WWOX: variants seen among roughly 807,000 people sequenced by gnomAD.
WWOX encodes the protein WW domain containing oxidoreductase.
WWOX carries 69 observed loss-of-function variants against 46.2 expected under a neutral mutation model. That is an observed-to-expected ratio of 1.49 (90% CI 1.23 to 1.82). The LOEUF is 1.82. WWOX is among the 40% of genes most tolerant of loss of function. The pLI is 0.00. For missense variants in WWOX, 919 were observed against 542.6 expected, an observed-to-expected ratio of 1.69 and a Z score of -6.89; for synonymous variants, 359 against 202.6, an observed-to-expected ratio of 1.77 and a Z score of -6.56.
At chr16:79,007,584 A>G (rs960268015) in intron 8 of WWOX, among the ~76,000 whole-genome samples, 4 of 152,266 alleles carry the variant, frequency 2.6e-5, no homozygotes, top group Non-Finnish European at 5.9e-5. Flanking sequence ...ATGCTACTTT[A>G]TATGGCAAAA....
intron 8 of WWOX, among the ~76,000 whole-genome samples, chr16:78,872,203 C>A (rs2044143863): frequency 1.3e-5 from 2 of 152,200 alleles, no homozygotes; most frequent in Non-Finnish European, 2.9e-5. Flanking sequence ...ACCAGGCTGC[C>A]TGGATTCAAA....
intron 8 of WWOX, among the ~76,000 whole-genome samples, chr16:78,515,189 A>G (rs1186310360): frequency 6.6e-6 from 1 of 152,190 alleles, no homozygotes; most frequent in Non-Finnish European, 1.5e-5. Flanking sequence ...GTGTCACTGC[A>G]CTCCAGCCTA....
intron 8 of WWOX, among the ~76,000 whole-genome samples, chr16:78,542,874 G>A (rs750273062): frequency 6.6e-6 from 1 of 152,176 alleles, no homozygotes; most frequent in Non-Finnish European, 1.5e-5. Flanking sequence ...GGGCCTGGGG[G>A]TTGTCACAAT....
intron 5 of WWOX, among the ~76,000 whole-genome samples, chr16:78,304,304 T>C (rs902538147): frequency 1.3e-5 from 2 of 152,250 alleles, no homozygotes; most frequent in African/African-American, 4.8e-5. Flanking sequence ...TACTTTTTTG[T>C]AAAATTTTAA....
At chr16:78,577,857 T>C (rs1163286043) in intron 8 of WWOX, among the ~76,000 whole-genome samples, 1 of 152,152 alleles carries the variant, frequency 6.6e-6, no homozygotes, top group East Asian at 1.9e-4. Flanking sequence ...CTTGTGCCGT[T>C]GGTAATTCAG....
At chr16:78,880,112 A>T (rs2044313259) in intron 8 of WWOX, among the ~76,000 whole-genome samples, 1 of 152,224 alleles carries the variant, frequency 6.6e-6, no homozygotes. Context: ...ACATTTGTGA[A>T]TAAGAAAACT....
chr16:78,313,606 T>A (rs1239761999), intron 5 of WWOX, among the ~76,000 whole-genome samples: 1 of 152,226 alleles, frequency 6.6e-6, no homozygotes, highest in Non-Finnish European at 1.5e-5. Flanking sequence ...CCTCAGGTGA[T>A]CTGCCTGCCT....
intron 8 of WWOX, among the ~76,000 whole-genome samples, chr16:78,724,337 G>T (rs994941777): frequency 2.0e-5 from 3 of 152,116 alleles, no homozygotes; most frequent in African/African-American, 7.2e-5. Context: ...AAAAGAGACA[G>T]TTTTCATTGA....
At chr16:78,992,148 C>T (rs2046900048) in intron 8 of WWOX, among the ~76,000 whole-genome samples, 1 of 152,186 alleles carries the variant, frequency 6.6e-6, no homozygotes, top group African/African-American at 2.4e-5. Context: ...GTCCTTGAGG[C>T]ATTCACAGGT....
At chr16:78,869,925 A>G (rs1239207903) in intron 8 of WWOX, among the ~76,000 whole-genome samples, 2 of 152,176 alleles carry the variant, frequency 1.3e-5, no homozygotes, top group Non-Finnish European at 2.9e-5. Flanking sequence ...GGGATTTATC[A>G]TTGACGTCAG....
At chr16:79,152,681 A>C (rs900404597) in intron 8 of WWOX, among the ~76,000 whole-genome samples, 5 of 151,796 alleles carry the variant, frequency 3.3e-5, no homozygotes, top group African/African-American at 7.2e-5. Flanking sequence ...AAGAAAAAAA[A>C]AAAAAAACAA....
At chr16:78,536,177 G>C (rs930773288) in intron 8 of WWOX, among the ~76,000 whole-genome samples, 1 of 152,116 alleles carries the variant, frequency 6.6e-6, no homozygotes, top group African/African-American at 2.4e-5. Context: ...ACCACCCCCA[G>C]AGTACACATG....
In WWOX at chr16:78,271,032, G is replaced by A. The variant is rs552693870; in HGVS notation, c.516+106743G>A. ...GAAAATATGTTGTTTAATTTGGGGCGATTCAATATCAAATTAAGATTTTTA... is the reference window on the plus strand; with the variant it reads ...GAAAATATGTTGTTTAATTTGGGGCAATTCAATATCAAATTAAGATTTTTA... On this transcript the variant is annotated intron_variant, in intron 5 of 8. Transcript: ENST00000566780. Among the ~76,000 whole-genome samples, 13 of 152,196 alleles carry A rather than the reference G, an allele frequency of 8.5e-5. No homozygotes were observed. In the South Asian group the frequency reaches 1.5e-3, roughly 17 times the overall value.
At chr16:78,199,953 A>G (rs1317168223) in intron 5 of WWOX, among the ~76,000 whole-genome samples, 2 of 152,220 alleles carry the variant, frequency 1.3e-5, no homozygotes, top group East Asian at 1.9e-4. Flanking sequence ...TAGTAGGAAA[A>G]ATATTTATGT....
intron 8 of WWOX, among the ~76,000 whole-genome samples, chr16:79,088,387 A>C (rs914352390): frequency 6.6e-6 from 1 of 152,186 alleles, no homozygotes; most frequent in African/African-American, 2.4e-5. Flanking sequence ...TGAGACTCTG[A>C]TCAGATAAAG....
intron 8 of WWOX, among the ~76,000 whole-genome samples, chr16:78,699,379 A>C (rs1378713251): frequency 6.6e-6 from 1 of 151,876 alleles, no homozygotes; most frequent in Non-Finnish European, 1.5e-5. Flanking sequence ...AAATACAAAA[A>C]AAAAAAAAAA....
intron 8 of WWOX, among the ~76,000 whole-genome samples, chr16:78,948,904 G>A (rs1216720364): frequency 1.3e-5 from 2 of 152,166 alleles, no homozygotes; most frequent in Non-Finnish European, 2.9e-5. Flanking sequence ...AGGTGGACAA[G>A]AGAATCGGAG....
At chr16:78,816,027 G>C (rs552244470) in intron 8 of WWOX, among the ~76,000 whole-genome samples, 5 of 152,164 alleles carry the variant, frequency 3.3e-5, no homozygotes, top group Non-Finnish European at 5.9e-5. Context: ...AGGCCAAGTG[G>C]TCATAGCCAG....
At chr16:78,334,180 T>TTTTTCTTTG (rs2151894500) in intron 5 of WWOX, among the ~76,000 whole-genome samples, 1 of 152,198 alleles carries the variant, frequency 6.6e-6, no homozygotes, top group East Asian at 1.9e-4. Context: ...CCTAATGTAA[T>TTTTTCTTTG]GCCAAAGAAA....
Sources: allele counts gnomAD v4.1 joint callset (sites outside exome capture counted in the v4.1 genomes callset), GRCh38; gene constraint gnomAD v4.1.1; transcripts MANE v1.5; gene names NCBI Gene and HGNC (gene_info 2026-07-23, HGNC 2026-07-21).